The following DZIP3 variants were observed in gnomAD, a reference collection of about 807,000 sequenced individuals.
DZIP3 encodes the protein E3 ubiquitin-protein ligase DZIP3.
DZIP3 carries 118 observed loss-of-function variants against 162.0 expected under a neutral mutation model. The ratio of observed to expected loss-of-function variants is 0.73; its 90% CI spans 0.63 to 0.85. DZIP3 has a LOEUF of 0.85. DZIP3 is among the 40% of genes least tolerant of loss of function. DZIP3 has a pLI of 0.00. For synonymous variants in DZIP3, 438 were observed against 458.6 expected (o/e 0.96, Z 0.57); for missense variants, 1,331 against 1,407.0 (o/e 0.95, Z 0.86).
intron 12 of DZIP3, among the ~76,000 whole-genome samples, chr3:108,641,227 A>AT (rs1491358275): frequency 3.9e-5 from 6 of 151,948 alleles, no homozygotes; most frequent in Non-Finnish European, 8.8e-5. Context: ...TATTGTTTTC[A>AT]TATGTTTTAC....
intron 6 of DZIP3, 69 bp from the exon 7 acceptor site, chr3:108,625,776 T>C: frequency 1.4e-6 from 2 of 1,417,508 alleles, no homozygotes; most frequent in Non-Finnish European, 1.9e-6. Flanking sequence ...GTTTGAGAAG[T>C]AATTGTTTAT....
rs748353103 is a variant in DZIP3 at position 108,651,189 on chromosome 3, A to C, written c.2033+27A>C. 11 of 717,082 alleles carry C rather than the reference A, an allele frequency of 1.5e-5. No individual in the cohort carries two copies. In the South Asian group the frequency reaches 2.8e-4, roughly 18 times the overall value. 44.4% of individuals were successfully genotyped at this position (717,082 alleles called of 1,614,324 possible). A position where few individuals can be genotyped will look rare whatever the true frequency, so the allele number is the denominator to read the frequency against. ...TAAGTATTAGTTTATTTAATTTTTAAATTTTTCTTAGTATTTTTAAGGCAT... is the reference window on the plus strand; with the variant it reads ...TAAGTATTAGTTTATTTAATTTTTACATTTTTCTTAGTATTTTTAAGGCAT... On this transcript the variant is annotated intron_variant, in intron 18 of 32. Coordinates refer to ENST00000361582, the MANE Select transcript of DZIP3 (RefSeq NM_014648.4).
Position 108,661,899 on chromosome 3 carries a change from C to T in DZIP3, c.2222C>T (p.Thr741Ile). ...TAGGGCTCAGCTGGCAAAGTAACTA[C>T]AGACTATGGAGAAACTGAAAAGGAA... Reference protein sequence around the residue: ...IEQGSAGKVTTDYGETEKERL... With the variant: ...IEQGSAGKVTIDYGETEKERL... The change falls in exon 20 of 33, where the codon ACA (threonine) becomes ATA (isoleucine). Residue 741 changes from threonine to isoleucine, a missense_variant. Thr to Ile is a moderately conservative substitution (Grantham distance 89). Around this residue, in one of 2 missense-constraint regions of DZIP3, gnomAD observed 1,278 missense variants for 1,317.1 expected, o/e 0.97. Transcript: ENST00000361582. 1 of 1,613,838 alleles carries T rather than the reference C, an allele frequency of 6.2e-7. No homozygotes were observed. The highest frequency in any genetic ancestry group is 1.1e-5 in the South Asian group (1 of 91,036).
chr3:108,615,895 G>C (rs896526304), intron 4 of DZIP3, among the ~76,000 whole-genome samples: 35 of 152,326 alleles, frequency 2.3e-4, no homozygotes, highest in African/African-American at 8.4e-4. Context: ...AGAGTGAACT[G>C]GGATTACCAT....
chr3:108,639,280 A>G (rs1374682821), intron 12 of DZIP3, among the ~76,000 whole-genome samples: 1 of 152,244 alleles, frequency 6.6e-6, no homozygotes, highest in African/African-American at 2.4e-5. Flanking sequence ...ATAGCATAAT[A>G]TCTGGCACAT....
intron 15 of DZIP3, among the ~76,000 whole-genome samples, chr3:108,647,097 G>A (rs905194299): frequency 2.6e-5 from 4 of 152,138 alleles, no homozygotes; most frequent in African/African-American, 9.7e-5. Context: ...TGGCTGAATC[G>A]AGAATGAGCT....
intron 15 of DZIP3, among the ~76,000 whole-genome samples, chr3:108,647,505 A>C (rs189430180): frequency 1.3e-5 from 2 of 152,342 alleles, no homozygotes; most frequent in East Asian, 3.9e-4. Context: ...AAAAGGTCAC[A>C]TAATAGGGGG....
intron 19 of DZIP3, among the ~76,000 whole-genome samples, chr3:108,657,546 T>A (rs1162599735): frequency 1.3e-5 from 2 of 152,150 alleles, no homozygotes; most frequent in African/African-American, 4.8e-5. Flanking sequence ...TGCCAAATTG[T>A]AAAGACCATC....
At chr3:108,638,282 T>TG (rs1942246407) in intron 12 of DZIP3, among the ~76,000 whole-genome samples, 1 of 151,076 alleles carries the variant, frequency 6.6e-6, no homozygotes, top group African/African-American at 2.4e-5. Flanking sequence ...AACACTGCTT[T>TG]GTAACTTTTT....
chr3:108,661,760 T>A, intron 19 of DZIP3, 117 bp from the exon 20 acceptor site: 1 of 679,040 alleles, frequency 1.5e-6, no homozygotes, highest in Non-Finnish European at 2.5e-6. Context: ...CTAAATTGAG[T>A]GTTTGACTTG....
chr3:108,648,131 A>G lies in DZIP3; in HGVS notation c.1962+19A>G, dbSNP rs2399235. 312,145 of 1,573,656 alleles carry G rather than the reference A, an allele frequency of 0.2. 34,991 individuals carry two copies. Among genetic ancestry groups the G allele is most frequent in the East Asian group, 0.45 (20,060 of 44,174 alleles). ...CCAGGAAGTATAAGCTCTCATTAATATTTGAGTTAGAAGAACTTATTCTGG... is the reference window on the plus strand; with the variant it reads ...CCAGGAAGTATAAGCTCTCATTAATGTTTGAGTTAGAAGAACTTATTCTGG... On this transcript the variant is annotated intron_variant, in intron 16 of 32. Coordinates refer to ENST00000361582, the MANE Select transcript of DZIP3 (RefSeq NM_014648.4).
chr3:108,613,780 A>G (rs1940852146), intron 4 of DZIP3, among the ~76,000 whole-genome samples: 1 of 152,202 alleles, frequency 6.6e-6, no homozygotes, highest in Admixed American at 6.5e-5. Flanking sequence ...ATCAAAATAT[A>G]CAGAGTATGT....
chr3:108,665,840 T>A (rs1273296621), intron 21 of DZIP3, among the ~76,000 whole-genome samples: 1 of 152,086 alleles, frequency 6.6e-6, no homozygotes, highest in African/African-American at 2.4e-5. Flanking sequence ...GAACCATGAA[T>A]CCTGTATTTA....
chr3:108,683,689 C>T (rs1481275491), intron 26 of DZIP3, among the ~76,000 whole-genome samples: 1 of 152,194 alleles, frequency 6.6e-6, no homozygotes, highest in African/African-American at 2.4e-5. Flanking sequence ...CATCCCACTT[C>T]CTCCTCCAGC....
intron 14 of DZIP3, 102 bp from the exon 15 acceptor site, chr3:108,646,515 A>T: frequency 1.2e-6 from 1 of 821,098 alleles, no homozygotes; most frequent in Middle Eastern, 3.0e-4. Context: ...TACTTACAGA[A>T]TAAATTGGTG....
In DZIP3 at chr3:108,688,490, A is replaced by C. The variant is rs1576476649; in HGVS notation, c.3271-103A>C. On this transcript the variant is annotated intron_variant, in intron 29 of 32. Transcript: ENST00000361582. ...AGATTTCTCACAAATCTGATTATTT[A>C]CCCTTTTGCTAGTTCTTACTATACC... is the stretch of plus-strand genomic sequence containing the variant. 2.6e-5 allele frequency: 32 copies of C among 1,243,666 alleles called. No individual in the cohort carries two copies. In the East Asian group the frequency reaches 7.8e-4, roughly 30 times the overall value. 77.0% of individuals were successfully genotyped at this position (1,243,666 alleles called of 1,614,324 possible).
intron 14 of DZIP3, among the ~76,000 whole-genome samples, chr3:108,646,230 G>A (rs946998492): frequency 2.6e-5 from 4 of 152,170 alleles, no homozygotes; most frequent in African/African-American, 9.7e-5. Context: ...GGCAAGGAGA[G>A]CAAGTGATGA....
At chr3:108,676,785 A>G (rs1158626497) in intron 25 of DZIP3, among the ~76,000 whole-genome samples, 1 of 152,070 alleles carries the variant, frequency 6.6e-6, no homozygotes, top group African/African-American at 2.4e-5. Context: ...GACCTGCCCC[A>G]TGTTTTCTTC....
In DZIP3 at chr3:108,679,045, A is replaced by T. The variant is rs575492060; in HGVS notation, c.2883+1447A>T. ...ATTATTCTAGGCTTGGATCATCATC[A>T]TACCCAACTACTCTGATAAGGAATG... On this transcript the variant is annotated intron_variant, in intron 26 of 32. Coordinates refer to ENST00000361582, the MANE Select transcript of DZIP3 (RefSeq NM_014648.4). Among the ~76,000 whole-genome samples, 3 of 152,250 alleles carry T rather than the reference A, an allele frequency of 2.0e-5. No homozygotes were observed. The South Asian group carries it at 6.2e-4, about 32-fold the overall frequency.
Sources: gnomAD v4.1 joint callset for allele counts (sites outside exome capture counted in the v4.1 genomes callset) on GRCh38, gnomAD v4.1.1 for gene constraint, gnomAD v4.1.1 regional missense constraint, MANE v1.5 for transcripts, NCBI Gene and HGNC (gene_info 2026-07-23, HGNC 2026-07-21) for gene names.